NEK11: variants seen among roughly 807,000 people sequenced by gnomAD.
NEK11 encodes serine/threonine-protein kinase Nek11.
Under a neutral mutation model 80.7 loss-of-function variants are expected in NEK11, and 72 were observed. That is an observed-to-expected ratio of 0.89 (90% CI 0.74 to 1.08). The LOEUF is 1.08. NEK11 is among the 50% of genes least tolerant of loss of function. The pLI, the probability that NEK11 is intolerant of heterozygous loss-of-function variation, is 0.00. For synonymous variants in NEK11, 251 were observed against 260.7 expected, an observed-to-expected ratio of 0.96 and a Z score of 0.36; for missense variants, 764 against 763.6, an observed-to-expected ratio of 1.00 and a Z score of -0.01.
intron 14 of NEK11, among the ~76,000 whole-genome samples, chr3:131,212,815 A>G (rs1400014): frequency 0.85 from 129,711 of 152,156 alleles, 55,786 homozygotes; most frequent in South Asian, 0.9. Flanking sequence ...TTAATTTTAT[A>G]TGTCTATTTG....
At chr3:131,104,218 G>A (rs1420292528) in intron 4 of NEK11, among the ~76,000 whole-genome samples, 1 of 152,106 alleles carries the variant, frequency 6.6e-6, no homozygotes, top group Non-Finnish European at 1.5e-5. Flanking sequence ...TATGGTGGTG[G>A]CAGTGACAGA....
chr3:131,233,232 T>C (rs1471432800), intron 15 of NEK11, among the ~76,000 whole-genome samples: 1 of 151,940 alleles, frequency 6.6e-6, no homozygotes, highest in East Asian at 1.9e-4. Context: ...GTTGCTGGAG[T>C]CCAGCACTGC....
chr3:131,097,349 C>A (rs897855957), intron 4 of NEK11, among the ~76,000 whole-genome samples: 20 of 151,760 alleles, frequency 1.3e-4, no homozygotes, highest in Non-Finnish European at 2.4e-4. Flanking sequence ...ACAGTCCCAC[C>A]AACAGTGTAA....
intron 15 of NEK11, among the ~76,000 whole-genome samples, chr3:131,243,226 G>A (rs1180440002): frequency 3.3e-5 from 5 of 152,072 alleles, no homozygotes; most frequent in Non-Finnish European, 7.4e-5. Context: ...TTTTTGCCAT[G>A]ACAGATAGAG....
intron 17 of NEK11, among the ~76,000 whole-genome samples, chr3:131,276,701 T>A (rs1256134240): frequency 6.6e-6 from 1 of 152,110 alleles, no homozygotes; most frequent in African/African-American, 2.4e-5. Context: ...CAACCCTAAA[T>A]ATTTAAATGA....
chr3:131,206,206 G>C (rs2094436793), intron 14 of NEK11, among the ~76,000 whole-genome samples: 3 of 152,202 alleles, frequency 2.0e-5, no homozygotes, highest in African/African-American at 7.2e-5. Flanking sequence ...AGATAGGTTT[G>C]AAAACTTCAG....
chr3:131,095,460 T>C (rs1325752230), intron 4 of NEK11, among the ~76,000 whole-genome samples: 1 of 152,142 alleles, frequency 6.6e-6, no homozygotes, highest in Non-Finnish European at 1.5e-5. Context: ...TAAATGATAA[T>C]GGTTAAATGT....
At chr3:131,105,483 C>A (rs1234358997) in intron 4 of NEK11, among the ~76,000 whole-genome samples, 1 of 152,166 alleles carries the variant, frequency 6.6e-6, no homozygotes, top group Non-Finnish European at 1.5e-5. Flanking sequence ...ATAGCCAAGA[C>A]TGGGTAATTT....
chr3:131,310,016 A>AC (rs2096764317), intron 17 of NEK11, among the ~76,000 whole-genome samples: 2 of 141,146 alleles, frequency 1.4e-5, no homozygotes, highest in South Asian at 4.4e-4. Flanking sequence ...AAAAAAAAAA[A>AC]AAAAAAACAA....
At chr3:131,296,315 T>C (rs1446421032) in intron 17 of NEK11, among the ~76,000 whole-genome samples, 4 of 152,104 alleles carry the variant, frequency 2.6e-5, no homozygotes, top group African/African-American at 9.7e-5. Flanking sequence ...TAAGCATACA[T>C]CATTGAGTAC....
In NEK11 at chr3:131,047,480, G is replaced by C. The variant is rs188991864; in HGVS notation, c.170+17602G>C. On this transcript the variant is annotated intron_variant, in intron 3 of 17. Coordinates refer to ENST00000383366, the MANE Select transcript of NEK11 (RefSeq NM_024800.5). Reference sequence around the variant, plus strand: ...CTCATGAGGGTGCTCCCTTGATGTGGTGCTCTCCCCTTTCCCTTAGGGATG... The same window carrying C: ...CTCATGAGGGTGCTCCCTTGATGTGCTGCTCTCCCCTTTCCCTTAGGGATG... Among the ~76,000 whole-genome samples the C allele has an allele frequency of 2.3e-3, 347 of 152,300 alleles. 3 individuals are homozygous for C. Among genetic ancestry groups the C allele is most frequent in the African/African-American group, 8.2e-3 (340 of 41,558 alleles).
intron 3 of NEK11, among the ~76,000 whole-genome samples, chr3:131,035,087 CAT>C (rs962664150): frequency 4.6e-5 from 7 of 152,148 alleles, no homozygotes; most frequent in African/African-American, 1.7e-4. Context: ...CCCTCTATCT[CAT>C]ATGTCTGCCT....
Position 131,074,535 on chromosome 3 carries a change from T to C in NEK11, c.171-5888T>C, listed in dbSNP as rs11917093. Among the ~76,000 whole-genome samples, 742 of 152,282 alleles carry C rather than the reference T, an allele frequency of 4.9e-3. 11 individuals are homozygous for C. The highest frequency in any genetic ancestry group is 0.017 in the African/African-American group (697 of 41,570). ...ATATAAAATATTGTAATATATAATA[T>C]AATGTATAAAGTCATTTTTTAAAAG... On this transcript the variant is annotated intron_variant, in intron 3 of 17. Coordinates refer to ENST00000383366, the MANE Select transcript of NEK11 (RefSeq NM_024800.5).
At chr3:131,203,569 T>G (rs1432445441) in intron 14 of NEK11, among the ~76,000 whole-genome samples, 1 of 147,610 alleles carries the variant, frequency 6.8e-6, no homozygotes, top group African/African-American at 2.5e-5. Flanking sequence ...CCCTAAAACT[T>G]AAAGTATAAT....
chr3:131,167,022 G>A (rs1450713485), intron 12 of NEK11, among the ~76,000 whole-genome samples: 1 of 152,216 alleles, frequency 6.6e-6, no homozygotes, highest in Non-Finnish European at 1.5e-5. Flanking sequence ...AGAATTCCGA[G>A]TTTGTTAATG....
At chr3:131,084,195 C>A (rs2149069358) in intron 4 of NEK11, among the ~76,000 whole-genome samples, 1 of 152,308 alleles carries the variant, frequency 6.6e-6, no homozygotes, top group Non-Finnish European at 1.5e-5. Context: ...TGGTACAAAG[C>A]ACAGTTTACA....
intron 14 of NEK11, among the ~76,000 whole-genome samples, chr3:131,194,347 C>T (rs1016778977): frequency 1.3e-5 from 2 of 152,116 alleles, no homozygotes; most frequent in Non-Finnish European, 2.9e-5. Flanking sequence ...GTTGAATGTA[C>T]AGCAATAGTA....
At chr3:131,246,802 C>G (rs1268289747) in intron 16 of NEK11, among the ~76,000 whole-genome samples, 1 of 152,024 alleles carries the variant, frequency 6.6e-6, no homozygotes, top group Non-Finnish European at 1.5e-5. Context: ...AAAATTATGG[C>G]CATTTTTGCA....
chr3:131,243,395 A>G (rs755627076), intron 15 of NEK11, 41 bp from the exon 16 acceptor site: 5 of 1,573,306 alleles, frequency 3.2e-6, no homozygotes, highest in Non-Finnish European at 3.5e-6. Flanking sequence ...GTATCCTTCT[A>G]CCATACAGGG....
Sources: allele counts gnomAD v4.1 joint callset (sites outside exome capture counted in the v4.1 genomes callset), GRCh38; gene constraint gnomAD v4.1.1; transcripts MANE v1.5; gene names NCBI Gene and HGNC (gene_info 2026-07-23, HGNC 2026-07-21).